SKIC3: variants seen among roughly 807,000 people sequenced by gnomAD.
SKIC3 encodes the protein SKI3 subunit of superkiller complex, also known as superkiller complex protein 3.
chr5:95,470,956 C>T, the SKIC3 span, among the ~76,000 whole-genome samples: 1 of 152,034 alleles, frequency 6.6e-6, no homozygotes, highest in Admixed American at 6.6e-5. Context: ...CCACAAGTAT[C>T]TAAAATATGT....
chr5:95,513,590 G>A, the SKIC3 span: 1 of 1,613,658 alleles, frequency 6.2e-7, no homozygotes, highest in Non-Finnish European at 8.5e-7. Flanking sequence ...TAGTTCTGTA[G>A]TGTGCCTGAA....
At chr5:95,528,833 G>A in the SKIC3 span, 6 of 645,264 alleles carry the variant, frequency 9.3e-6, no homozygotes, top group Non-Finnish European at 1.6e-5. Flanking sequence ...AAACACACTA[G>A]TACACATGCA....
At chr5:95,526,678 T>C in the SKIC3 span, among the ~76,000 whole-genome samples, 3 of 152,056 alleles carry the variant, frequency 2.0e-5, no homozygotes, top group Non-Finnish European at 4.4e-5. Flanking sequence ...TTCACCATAT[T>C]GGCTGGTCTC....
At chr5:95,536,261 TTTAA>T in the SKIC3 span, among the ~76,000 whole-genome samples, 1 of 152,228 alleles carries the variant, frequency 6.6e-6, no homozygotes, top group Non-Finnish European at 1.5e-5. Flanking sequence ...GATTCAGGAA[TTTAA>T]TTACTTTATA....
the SKIC3 span, chr5:95,546,977 A>G: frequency 7.2e-7 from 1 of 1,390,132 alleles, no homozygotes; most frequent in East Asian, 2.3e-5. Context: ...CTGTTTGGAC[A>G]GGAAATAATT....
the SKIC3 span, chr5:95,523,635 A>G: frequency 1.2e-6 from 2 of 1,611,506 alleles, no homozygotes; most frequent in Middle Eastern, 1.7e-4. Context: ...ACAAAAAGCA[A>G]AAGTGATTAT....
chr5:95,479,048 A>T, the SKIC3 span, among the ~76,000 whole-genome samples: 1 of 152,196 alleles, frequency 6.6e-6, no homozygotes, highest in Non-Finnish European at 1.5e-5. Flanking sequence ...AAAAAACCTT[A>T]ATATGTAAAT....
chr5:95,467,132 C>T, the SKIC3 span, among the ~76,000 whole-genome samples: 2 of 152,106 alleles, frequency 1.3e-5, no homozygotes, highest in Non-Finnish European at 2.9e-5. Flanking sequence ...AACCTCAGTA[C>T]ATTTAATGGA....
chr5:95,516,403 C>G, the SKIC3 span: 4 of 1,613,094 alleles, frequency 2.5e-6, no homozygotes, highest in Non-Finnish European at 3.4e-6. Context: ...GTCCATGCAA[C>G]AGCATTCTAA....
chr5:95,527,329 T>C, the SKIC3 span, among the ~76,000 whole-genome samples: 6 of 152,166 alleles, frequency 3.9e-5, no homozygotes, highest in African/African-American at 1.2e-4. Flanking sequence ...ATTGGTGGGA[T>C]GGCAAAAAGA....
At chr5:95,549,874 C>T in the SKIC3 span, among the ~76,000 whole-genome samples, 1 of 151,894 alleles carries the variant, frequency 6.6e-6, no homozygotes, top group Non-Finnish European at 1.5e-5. Flanking sequence ...AGGGTAAAAA[C>T]CTACTACCCA....
chr5:95,500,559 A>G, the SKIC3 span, among the ~76,000 whole-genome samples: 1 of 152,178 alleles, frequency 6.6e-6, no homozygotes, highest in African/African-American at 2.4e-5. Context: ...TAGTTATTAT[A>G]CAAATGCTGC....
the SKIC3 span, chr5:95,522,366 G>C: frequency 6.4e-7 from 1 of 1,565,326 alleles, no homozygotes; most frequent in Non-Finnish European, 8.7e-7. Context: ...AAATCTGAAA[G>C]GAAAATATAA....
At chr5:95,528,866 T>C in the SKIC3 span, 125 of 751,566 alleles carry the variant, frequency 1.7e-4, no homozygotes, top group African/African-American at 1.3e-3. Context: ...TTTAAACTTA[T>C]TGAAATTAAA....
chr5:95,528,272 T>C, the SKIC3 span: 4 of 1,194,708 alleles, frequency 3.3e-6, no homozygotes, highest in Non-Finnish European at 4.9e-6. Flanking sequence ...CAAAACAATA[T>C]ACATGAAGAA....
chr5:95,495,235 T>C, the SKIC3 span: 1 of 526,726 alleles, frequency 1.9e-6, no homozygotes, highest in Admixed American at 3.4e-5. Flanking sequence ...CCAACTCTAC[T>C]TTCAAAATAT....
the SKIC3 span, among the ~76,000 whole-genome samples, chr5:95,519,760 G>C: frequency 3.3e-5 from 5 of 151,970 alleles, no homozygotes; most frequent in Non-Finnish European, 7.4e-5. Flanking sequence ...AATGGGTTAT[G>C]TTACATGTTA....
chr5:95,550,891 A>G, the SKIC3 span: 5 of 152,150 alleles, frequency 3.3e-5, no homozygotes, highest in African/African-American at 1.2e-4. Context: ...GGAAACTTCT[A>G]CAAGAGATCA....
the SKIC3 span, among the ~76,000 whole-genome samples, chr5:95,500,432 C>G: frequency 3.3e-5 from 5 of 152,176 alleles, no homozygotes; most frequent in African/African-American, 1.2e-4. Context: ...ATATCTGACA[C>G]TGTCATACAA....
Sources: gnomAD v4.1 joint callset for allele counts (sites outside exome capture counted in the v4.1 genomes callset) on GRCh38, gnomAD v4.1.1 for gene constraint, MANE v1.5 for transcripts, NCBI Gene and HGNC (gene_info 2026-07-23, HGNC 2026-07-21) for gene names.